SPTLC3: variants seen among roughly 807,000 people sequenced by gnomAD.
SPTLC3 encodes the protein serine palmitoyltransferase long chain base subunit 3, also known as serine palmitoyltransferase 3.
SPTLC3 carries 36 observed loss-of-function variants against 59.3 expected under a neutral mutation model. The observed-to-expected ratio is 0.61, with a 90% CI of 0.47 to 0.80. The LOEUF (loss-of-function observed/expected upper bound fraction) is 0.80, where lower values mean the gene tolerates loss of function less well. SPTLC3 is among the 30% of genes least tolerant of loss of function. The pLI, the probability that SPTLC3 is intolerant of heterozygous loss-of-function variation, is 0.00. For synonymous variants in SPTLC3, 257 were observed against 240.8 expected, an observed-to-expected ratio of 1.07 and a Z score of -0.62; for missense variants, 625 against 685.1, an observed-to-expected ratio of 0.91 and a Z score of 0.98.
At chr20:13,116,279 T>A (rs1369942212) in intron 7 of SPTLC3, among the ~76,000 whole-genome samples, 3 of 152,234 alleles carry the variant, frequency 2.0e-5, no homozygotes, top group Non-Finnish European at 4.4e-5. Context: ...CGTTCAACTC[T>A]GTTTGATTCA....
At chr20:13,060,413 T>TTTA (rs1555790098) in intron 2 of SPTLC3, among the ~76,000 whole-genome samples, 6 of 141,814 alleles carry the variant, frequency 4.2e-5, no homozygotes, top group Middle Eastern at 3.5e-3. Flanking sequence ...TATTTATTTA[T>TTTA]TTATCTGGGG....
intron 9 of SPTLC3, among the ~76,000 whole-genome samples, chr20:13,151,538 G>A (rs1164928349): frequency 6.6e-6 from 1 of 152,116 alleles, no homozygotes; most frequent in African/African-American, 2.4e-5. Flanking sequence ...CTTGAGAACT[G>A]GAGTTGGGAA....
intron 6 of SPTLC3, among the ~76,000 whole-genome samples, chr20:13,095,947 T>C (rs1253257387): frequency 1.3e-5 from 2 of 152,124 alleles, no homozygotes; most frequent in Non-Finnish European, 2.9e-5. Context: ...AAGTGATAAG[T>C]AATATCTTAG....
Position 13,016,669 on chromosome 20 carries a change from G to A in SPTLC3, c.117+7285G>A, listed in dbSNP as rs1985542046. Among the ~76,000 whole-genome samples, 3 of 152,236 alleles carry A rather than the reference G, an allele frequency of 2.0e-5. No individual in the cohort carries two copies. The South Asian group carries it at 6.2e-4, about 32-fold the overall frequency. On this transcript the variant is annotated intron_variant, in intron 1 of 11. Coordinates refer to ENST00000399002, the MANE Select transcript of SPTLC3 (RefSeq NM_018327.4). Reference sequence around the variant, plus strand: ...TTAACAACTGAACATAATACCAGTTGTCTAAGGTATCAATAATATACTTTT... The same window carrying A: ...TTAACAACTGAACATAATACCAGTTATCTAAGGTATCAATAATATACTTTT...
At chr20:13,122,911 C>T (rs574280325) in intron 8 of SPTLC3, among the ~76,000 whole-genome samples, 1 of 152,290 alleles carries the variant, frequency 6.6e-6, no homozygotes, top group East Asian at 1.9e-4. Flanking sequence ...AGTCACACAA[C>T]CTTAGAATGT....
At chr20:13,129,279 G>A (rs1455675183) in intron 9 of SPTLC3, among the ~76,000 whole-genome samples, 1 of 152,150 alleles carries the variant, frequency 6.6e-6, no homozygotes, top group African/African-American at 2.4e-5. Context: ...TGGGATTACA[G>A]GCGTGAGCCA....
intron 1 of SPTLC3, among the ~76,000 whole-genome samples, chr20:13,019,872 G>A (rs1174321180): frequency 2.6e-5 from 4 of 152,174 alleles, no homozygotes; most frequent in African/African-American, 9.7e-5. Context: ...TTATTTGTCT[G>A]TCTTGTGGTT....
intron 3 of SPTLC3, chr20:13,073,979 C>T (rs1322646253): frequency 3.3e-6 from 2 of 604,162 alleles, no homozygotes; most frequent in Non-Finnish European, 6.5e-6. Flanking sequence ...CCTGGTATAT[C>T]CTGATGACCA....
chr20:13,137,908 T>C (rs896907907), intron 9 of SPTLC3, among the ~76,000 whole-genome samples: 5 of 152,128 alleles, frequency 3.3e-5, no homozygotes, highest in African/African-American at 1.2e-4. Flanking sequence ...CCCCTGAGCT[T>C]TCTGCTACTC....
chr20:13,082,084 G>A (rs1988858558), intron 4 of SPTLC3, among the ~76,000 whole-genome samples: 1 of 152,130 alleles, frequency 6.6e-6, no homozygotes. Flanking sequence ...ACAAAGCCAA[G>A]CACAATTCAA....
intron 1 of SPTLC3, among the ~76,000 whole-genome samples, chr20:13,020,609 A>AT (rs1259443289): frequency 6.6e-6 from 1 of 152,204 alleles, no homozygotes; most frequent in Non-Finnish European, 1.5e-5. Context: ...CTATTTTTAT[A>AT]TACTCTTTTA....
chr20:13,102,488 A>G (rs988070190), intron 6 of SPTLC3, among the ~76,000 whole-genome samples: 1 of 152,182 alleles, frequency 6.6e-6, no homozygotes. Flanking sequence ...GTCTGACTCC[A>G]GAGTCTCCGT....
chr20:13,164,059 C>T (rs1305148154), intron 11 of SPTLC3, among the ~76,000 whole-genome samples: 1 of 152,108 alleles, frequency 6.6e-6, no homozygotes, highest in African/African-American at 2.4e-5. Context: ...CCCCACTCCC[C>T]CCATCCCACA....
At chr20:13,095,774 A>G (rs1341798954) in intron 6 of SPTLC3, among the ~76,000 whole-genome samples, 1 of 152,094 alleles carries the variant, frequency 6.6e-6, no homozygotes, top group African/African-American at 2.4e-5. Flanking sequence ...CCTGGGATAT[A>G]TCACCAGACA....
At chr20:13,112,436 C>T (rs1990284245) in intron 7 of SPTLC3, among the ~76,000 whole-genome samples, 1 of 152,232 alleles carries the variant, frequency 6.6e-6, no homozygotes, top group Non-Finnish European at 1.5e-5. Context: ...GACATTATCA[C>T]TTCTGCCCTG....
chr20:13,142,447 G>A (rs2038405894), intron 9 of SPTLC3, among the ~76,000 whole-genome samples: 1 of 152,184 alleles, frequency 6.6e-6, no homozygotes, highest in South Asian at 2.1e-4. Context: ...GGGTAAAGGG[G>A]AACTGGTATT....
At chr20:13,149,997 GTTCA>G (rs2038606686) in intron 9 of SPTLC3, among the ~76,000 whole-genome samples, 2 of 152,194 alleles carry the variant, frequency 1.3e-5, no homozygotes, top group Non-Finnish European at 2.9e-5. Context: ...GAAGTCATCT[GTTCA>G]TTGTGTAGCT....
chr20:13,088,312 G>A (rs767680366), intron 4 of SPTLC3, among the ~76,000 whole-genome samples: 1 of 151,920 alleles, frequency 6.6e-6, no homozygotes, highest in Non-Finnish European at 1.5e-5. Context: ...GTTTTTTGTT[G>A]TTGTTGTTGT....
chr20:13,131,532 T>C (rs984607573), intron 9 of SPTLC3, among the ~76,000 whole-genome samples: 1 of 152,230 alleles, frequency 6.6e-6, no homozygotes, highest in African/African-American at 2.4e-5. Flanking sequence ...TTCCCTTACT[T>C]CTGCAAATTT....
Sources: allele counts gnomAD v4.1 joint callset (sites outside exome capture counted in the v4.1 genomes callset), GRCh38; gene constraint gnomAD v4.1.1; transcripts MANE v1.5; gene names NCBI Gene and HGNC (gene_info 2026-07-23, HGNC 2026-07-21).